The following OLFM3 variants were observed in gnomAD, a reference collection of about 807,000 sequenced individuals.
OLFM3 encodes the protein olfactomedin 3.
OLFM3 carries 20 observed loss-of-function variants against 48.6 expected under a neutral mutation model. The observed-to-expected ratio is 0.41, with a 90% CI of 0.29 to 0.60. The LOEUF is 0.60. Ranked by LOEUF, OLFM3 falls within the 20% of genes least tolerant of loss-of-function variation. The probability of loss-of-function intolerance (pLI) is 0.28; values close to 1 mark genes in which losing one functional copy is unlikely to be tolerated. For missense variants in OLFM3, 437 were observed against 544.3 expected (o/e 0.80, Z 1.96); for synonymous variants, 222 against 198.1 (o/e 1.12, Z -1.01).
At chr1:101,867,256 C>A (rs540294274) in intron 1 of OLFM3, among the ~76,000 whole-genome samples, 50 of 152,282 alleles carry the variant, frequency 3.3e-4, no homozygotes, top group Admixed American at 9.8e-4. Flanking sequence ...TGGAGATAAT[C>A]TTTACTAGTA....
At chr1:101,951,552 A>G (rs930075521) in intron 1 of OLFM3, among the ~76,000 whole-genome samples, 5 of 152,270 alleles carry the variant, frequency 3.3e-5, no homozygotes, top group Admixed American at 6.5e-5. Context: ...TAAGTGCCTC[A>G]GAATTCTGAA....
chr1:101,830,540 T>G, intron 3 of OLFM3, 132 bp downstream of exon 3: 2 of 923,430 alleles, frequency 2.2e-6, no homozygotes, highest in Non-Finnish European at 3.4e-6. Flanking sequence ...GAGAGATGAC[T>G]GAAATCCCCC....
At chr1:101,840,218 A>G (rs1277466617) in intron 1 of OLFM3, among the ~76,000 whole-genome samples, 1 of 152,250 alleles carries the variant, frequency 6.6e-6, no homozygotes, top group Admixed American at 6.5e-5. Flanking sequence ...AACATGCAAC[A>G]GGAATAGCAA....
At chr1:101,943,825 G>T (rs1659867146) in intron 1 of OLFM3, among the ~76,000 whole-genome samples, 1 of 151,938 alleles carries the variant, frequency 6.6e-6, no homozygotes. Flanking sequence ...GATTACTGCT[G>T]TTATTGTATA....
intron 1 of OLFM3, among the ~76,000 whole-genome samples, chr1:101,888,911 T>C (rs570710678): frequency 1.4e-4 from 22 of 152,318 alleles, no homozygotes; most frequent in African/African-American, 5.3e-4. Context: ...ATGCTCATCA[T>C]CACTGGCCAT....
At chr1:101,964,774 A>G (rs187255434) in intron 1 of OLFM3, among the ~76,000 whole-genome samples, 1 of 152,248 alleles carries the variant, frequency 6.6e-6, no homozygotes, top group Non-Finnish European at 1.5e-5. Context: ...CCATACAAGA[A>G]TATCAGCATG....
chr1:101,812,985 C>G, intron 4 of OLFM3: 1 of 1,057,184 alleles, frequency 9.5e-7, no homozygotes. Flanking sequence ...CATTTGACAA[C>G]CATTTACTGT....
intron 4 of OLFM3, among the ~76,000 whole-genome samples, chr1:101,821,541 C>T (rs1027061240): frequency 3.3e-5 from 5 of 152,006 alleles, no homozygotes; most frequent in African/African-American, 4.8e-5. Flanking sequence ...TGTGGTCCAG[C>T]GGATAAAATA....
chr1:101,930,181 C>T (rs1659402801), intron 1 of OLFM3, among the ~76,000 whole-genome samples: 1 of 152,144 alleles, frequency 6.6e-6, no homozygotes, highest in Admixed American at 6.6e-5. Context: ...TTCAATTCCA[C>T]AAATATTTAT....
chr1:101,969,705 T>C (rs1481285424), intron 1 of OLFM3, among the ~76,000 whole-genome samples: 4 of 152,082 alleles, frequency 2.6e-5, no homozygotes, highest in African/African-American at 9.7e-5. Context: ...AGATTTGCCT[T>C]CTTACTGATT....
intron 4 of OLFM3, among the ~76,000 whole-genome samples, chr1:101,814,677 C>T (rs1226768046): frequency 2.0e-5 from 3 of 152,100 alleles, no homozygotes; most frequent in East Asian, 3.9e-4. Context: ...AAAGAGTCGG[C>T]CTGGATTTGA....
At chr1:101,840,252 A>G (rs536613029) in intron 1 of OLFM3, among the ~76,000 whole-genome samples, 4 of 152,322 alleles carry the variant, frequency 2.6e-5, no homozygotes, top group African/African-American at 9.6e-5. Context: ...TCTATTCATT[A>G]CCTGGCAGTT....
At chr1:101,901,024 TAA>T (rs1658370417) in intron 1 of OLFM3, among the ~76,000 whole-genome samples, 2 of 152,200 alleles carry the variant, frequency 1.3e-5, no homozygotes, top group African/African-American at 4.8e-5. Flanking sequence ...TTCCTAGTAA[TAA>T]GTCAATTTCA....
chr1:101,916,632 C>T (rs772500118), intron 1 of OLFM3, among the ~76,000 whole-genome samples: 3 of 152,100 alleles, frequency 2.0e-5, no homozygotes, highest in Non-Finnish European at 4.4e-5. Flanking sequence ...CTGCTAAGGA[C>T]AGTATTTTAA....
chr1:101,915,231 C>T (rs1024488801), intron 1 of OLFM3, among the ~76,000 whole-genome samples: 1 of 151,932 alleles, frequency 6.6e-6, no homozygotes, highest in Admixed American at 6.6e-5. Context: ...TCTTAAGATA[C>T]AGAAAATACC....
chr1:101,949,057 A>G (rs1397689102), intron 1 of OLFM3, among the ~76,000 whole-genome samples: 1 of 151,806 alleles, frequency 6.6e-6, no homozygotes, highest in Non-Finnish European at 1.5e-5. Context: ...TGTATTTGGA[A>G]TGAAATTATA....
chr1:101,836,737 A>G (rs1237330594), intron 2 of OLFM3, 142 bp downstream of exon 2: 2 of 794,478 alleles, frequency 2.5e-6, no homozygotes, highest in Non-Finnish European at 4.1e-6. Flanking sequence ...TAACCCTTTC[A>G]AGGATCAGAA....
rs542601827 is a variant in OLFM3, at chr1:101,950,739, C to T, written c.69+46009G>A. 1.1e-4 allele frequency among the ~76,000 whole-genome samples: 16 copies of T among 152,192 alleles called. No individual in the cohort carries two copies. In the East Asian group the frequency reaches 1.7e-3, roughly 17 times the overall value. ...GATTACAGGCGTGAGCCATTGCGCG[C>T]GGCCTTGTCTGTATTTTTAAAAATT... On this transcript the variant is annotated intron_variant, in intron 1 of 5. Coordinates refer to ENST00000370103, the MANE Select transcript of OLFM3 (RefSeq NM_058170.4).
intron 1 of OLFM3, among the ~76,000 whole-genome samples, chr1:101,879,427 T>A (rs1436444891): frequency 6.6e-6 from 1 of 151,848 alleles, no homozygotes; most frequent in African/African-American, 2.4e-5. Flanking sequence ...TGCTATATCT[T>A]AAATTATTTG....
Sources: gnomAD v4.1 joint callset for allele counts (sites outside exome capture counted in the v4.1 genomes callset) on GRCh38, gnomAD v4.1.1 for gene constraint, MANE v1.5 for transcripts, NCBI Gene and HGNC (gene_info 2026-07-23, HGNC 2026-07-21) for gene names.